Variants in CFAP100 observed in about 807,000 individuals in gnomAD.
The protein encoded by CFAP100 is cilia and flagella associated protein 100, also known as cilia- and flagella-associated protein 100.
In CFAP100, 70 loss-of-function variants were observed where a neutral mutation model predicts 81.5. The ratio of observed to expected loss-of-function variants is 0.86; its 90% confidence interval spans 0.71 to 1.05. CFAP100 has a LOEUF of 1.05. Ranked by LOEUF, CFAP100 falls within the 50% of genes least tolerant of loss-of-function variation. The pLI is 0.00. For missense variants in CFAP100, 811 were observed against 776.5 expected (o/e 1.04, Z -0.53); for synonymous variants, 341 against 314.8 (o/e 1.08, Z -0.88).
chr3:126,416,716 A>G (rs1427959750), intron 5 of CFAP100: 1 of 510,708 alleles, frequency 2.0e-6, no homozygotes, highest in African/African-American at 2.0e-5. Flanking sequence ...AGAGCTTTTC[A>G]ATCCTAATAG....
intron 13 of CFAP100, chr3:126,432,838 C>T: frequency 2.5e-6 from 1 of 401,056 alleles, no homozygotes; most frequent in Non-Finnish European, 4.4e-6. Flanking sequence ...TGAATTATGC[C>T]TCAATGAAGC....
At chr3:126,415,374 G>A (rs1464933113) in intron 4 of CFAP100, among the ~76,000 whole-genome samples, 1 of 147,402 alleles carries the variant, frequency 6.8e-6, no homozygotes, top group African/African-American at 2.5e-5. Flanking sequence ...TACCCGGCAG[G>A]CTCTCCCACT....
At chr3:126,400,250 T>C (rs1009534636) in intron 2 of CFAP100, among the ~76,000 whole-genome samples, 2 of 151,838 alleles carry the variant, frequency 1.3e-5, no homozygotes, top group African/African-American at 4.8e-5. Flanking sequence ...GATATGCAAA[T>C]GATCTACAAG....
chr3:126,412,296 C>G (rs1438367842), intron 3 of CFAP100, among the ~76,000 whole-genome samples: 1 of 152,188 alleles, frequency 6.6e-6, no homozygotes, highest in East Asian at 1.9e-4. Flanking sequence ...CGTGGTTACA[C>G]TGGGCCCACC....
At chr3:126,412,250 G>A (rs1177551502) in intron 3 of CFAP100, among the ~76,000 whole-genome samples, 2 of 152,078 alleles carry the variant, frequency 1.3e-5, no homozygotes, top group Admixed American at 1.3e-4. Flanking sequence ...TCCTTGTTCT[G>A]CCCCAACTCT....
At chr3:126,399,123 G>A (rs542843173) in intron 2 of CFAP100, among the ~76,000 whole-genome samples, 8 of 152,226 alleles carry the variant, frequency 5.3e-5, no homozygotes, top group African/African-American at 1.9e-4. Flanking sequence ...GGTAAAACGC[G>A]GTGCCCCACC....
chr3:126,406,028 T>TATGGTTA, intron 2 of CFAP100, among the ~76,000 whole-genome samples: 1 of 152,344 alleles, frequency 6.6e-6, no homozygotes, highest in East Asian at 1.9e-4. Context: ...ATTTATATGA[T>TATGGTTA]ATGGTTAATT....
chr3:126,418,175 T>C (rs2083271838), intron 5 of CFAP100: 2 of 430,270 alleles, frequency 4.6e-6, no homozygotes, highest in African/African-American at 2.0e-5. Flanking sequence ...TCCAGAGCCT[T>C]ACTGCAAGTG....
chr3:126,397,997 G>A (rs556680088), intron 2 of CFAP100, among the ~76,000 whole-genome samples: 1 of 152,248 alleles, frequency 6.6e-6, no homozygotes, highest in East Asian at 1.9e-4. Flanking sequence ...AGAGACAGGA[G>A]GCCAGCATGG....
At chr3:126,397,343 T>C (rs1013292033) in intron 2 of CFAP100, among the ~76,000 whole-genome samples, 7 of 152,230 alleles carry the variant, frequency 4.6e-5, no homozygotes, top group Admixed American at 3.9e-4. Flanking sequence ...ACACGCTCTC[T>C]CGTTCTTTTT....
At chr3:126,401,400 TATATATATATATATATATATATA>T (rs2082978623) in intron 2 of CFAP100, among the ~76,000 whole-genome samples, 17 of 40,988 alleles carry the variant, frequency 4.1e-4, no homozygotes, top group East Asian at 2.1e-3. Flanking sequence ...TCGTATTTTA[TATATATATATATATATATATATA>T]TATATATATA....
In CFAP100 at chr3:126,436,452, G is replaced by A. The variant is rs368294862; in HGVS notation, c.*48G>A. On this transcript the variant is annotated 3_prime_UTR_variant, in exon 17 of 17. Transcript: ENST00000352312. Reference sequence around the variant, plus strand: ...TGGCTGAAGGCTTAGCAAAGATGTTGGCAGAGGAAGCAGAGACTGGGCTGG... The same window carrying A: ...TGGCTGAAGGCTTAGCAAAGATGTTAGCAGAGGAAGCAGAGACTGGGCTGG... The A allele has an allele frequency of 3.5e-5, 52 of 1,470,770 alleles. No homozygotes were observed. Among genetic ancestry groups the A allele is most frequent in the Non-Finnish European group, 4.8e-5 (51 of 1,062,918 alleles). 91.1% of individuals were successfully genotyped at this position (1,470,770 alleles called of 1,614,324 possible).
chr3:126,436,350 T>G lies in CFAP100; in HGVS notation c.1782T>G (p.Ser594=), dbSNP rs1366591419. Residue 594 remains serine, a synonymous_variant, in exon 17 of 17, where the codon TCT becomes TCG. Coordinates refer to ENST00000352312, the MANE Select transcript of CFAP100 (RefSeq NM_182628.3). ...CAGCCCACAGGATCAAACAACAGTCTGAGCACACACTGATGGACAAGGAGG... is the reference window on the plus strand; with the variant it reads ...CAGCCCACAGGATCAAACAACAGTCGGAGCACACACTGATGGACAAGGAGG... ...RPPAHRIKQQ[S]EHTLMDKEEE... 1.2e-6 allele frequency: 2 copies of G among 1,614,152 alleles called. No homozygotes were observed. The highest frequency in any genetic ancestry group is 1.7e-6 in the Non-Finnish European group (2 of 1,180,000).
rs555171550 is a variant in CFAP100, at chr3:126,435,888, C to T, written c.1722+236C>T. ...CAGGCTGAGCCTGGTTCAGCCATGCCCACCCACCCCAGCCAGGTACACTCT... is the reference window on the plus strand; with the variant it reads ...CAGGCTGAGCCTGGTTCAGCCATGCTCACCCACCCCAGCCAGGTACACTCT... On this transcript the variant is annotated intron_variant, in intron 16 of 16. Coordinates refer to ENST00000352312, the MANE Select transcript of CFAP100 (RefSeq NM_182628.3). 7.4e-4 allele frequency among the ~76,000 whole-genome samples: 112 copies of T among 152,284 alleles called. 3 individuals are homozygous for T. Among genetic ancestry groups the T allele is most frequent in the Non-Finnish European group, 1.8e-4 (12 of 68,004 alleles).
chr3:126,419,078 C>A lies in CFAP100; in HGVS notation c.653C>A (p.Ala218Asp). ...DCSSVQAMRA[A>D]EKETKAKIEK... ...CTCCCCCGCCGCCCAACCCCTAGGG[C>A]TGAGAAGGAGACCAAAGCCAAGATA... Residue 218 changes from alanine to aspartate, a missense_variant and splice_region_variant, in exon 8 of 17, where the codon GCT (alanine) becomes GAT (aspartate). Physicochemically the swap from Ala to Asp is moderately radical, Grantham distance 126. Transcript: ENST00000352312. 1 of 953,900 alleles carries A rather than the reference C, an allele frequency of 1.0e-6. No individual in the cohort carries two copies. The highest frequency in any genetic ancestry group is 1.5e-6 in the Non-Finnish European group (1 of 672,064). 59.1% of individuals were successfully genotyped at this position (953,900 alleles called of 1,614,324 possible).
chr3:126,411,926 AT>A (rs1162354344), intron 3 of CFAP100, among the ~76,000 whole-genome samples: 4 of 150,566 alleles, frequency 2.7e-5, no homozygotes, highest in Non-Finnish European at 4.4e-5. Flanking sequence ...GATATTTGCT[AT>A]TTTTTTTCTT....
At chr3:126,410,670 T>C (rs1458809924) in intron 3 of CFAP100, among the ~76,000 whole-genome samples, 1 of 152,288 alleles carries the variant, frequency 6.6e-6, no homozygotes, top group South Asian at 2.1e-4. Flanking sequence ...CCAGCCTTTT[T>C]ATTTCTTTTT....
chr3:126,416,337 A>G lies in CFAP100; in HGVS notation c.247A>G (p.Met83Val). Residue 83 changes from methionine to valine, a missense_variant, in exon 5 of 17, where the codon ATG (methionine) becomes GTG (valine). Transcript: ENST00000352312. The stretch of plus-strand genomic sequence containing the variant: ...CCAGGAACGGCAGCAGCAGAAGACG[A>G]TGCGGGTGCACCAGAAGATGACCTA... ...ALSERQQQKT[M>V]RVHQKMTYSS... The G allele has an allele frequency of 1.3e-6, 2 of 1,598,348 alleles. No individual in the cohort carries two copies. Among genetic ancestry groups the G allele is most frequent in the South Asian group, 1.1e-5 (1 of 89,874 alleles).
At chr3:126,413,284 T>G (rs896191499) in intron 3 of CFAP100, among the ~76,000 whole-genome samples, 1 of 152,192 alleles carries the variant, frequency 6.6e-6, no homozygotes, top group Admixed American at 6.5e-5. Context: ...CTGCACCTCC[T>G]TACCCCATCC....
Sources: allele counts gnomAD v4.1 joint callset (sites outside exome capture counted in the v4.1 genomes callset), GRCh38; gene constraint gnomAD v4.1.1; transcripts MANE v1.5; gene names NCBI Gene and HGNC (gene_info 2026-07-23, HGNC 2026-07-21).